The following CHD6 variants were observed in gnomAD, a reference collection of about 807,000 sequenced individuals.
CHD6 encodes chromodomain helicase DNA binding protein 6.
In CHD6, 50 loss-of-function variants were observed where a neutral mutation model predicts 276.9. The ratio of observed to expected loss-of-function variants is 0.18; its 90% CI spans 0.14 to 0.23. CHD6 has a LOEUF of 0.23. CHD6 is among the 10% of genes least tolerant of loss of function. The probability of loss-of-function intolerance (pLI) is 1.00; values close to 1 mark genes in which losing one functional copy is unlikely to be tolerated. For missense variants in CHD6, 2,564 were observed against 3,365.8 expected (o/e 0.76, Z 5.89); for synonymous variants, 1,173 against 1,229.3 (o/e 0.95, Z 0.96).
Position 41,402,460 on chromosome 20 carries a change from C to CGGTA in CHD6, c.*2132_*2133insTACC. The CGGTA allele has an allele frequency of 4.3e-6, 1 of 230,982 alleles. No homozygotes were observed. Among genetic ancestry groups the CGGTA allele is most frequent in the African/African-American group, 2.2e-5 (1 of 45,330 alleles). The allele number at this position is 230,982 out of a possible 1,614,324, so 14.3% of individuals were successfully genotyped here. On this transcript the variant is annotated 3_prime_UTR_variant, in exon 37 of 37. Coordinates refer to ENST00000373233, the MANE Select transcript of CHD6 (RefSeq NM_032221.5). ...TCAGATCCACATTGAACCCTGTGAC[C>CGGTA]TACCGGAGGTTATAAGTGGAACCCG...
At chr20:41,532,965 T>C in intron 3 of CHD6, 85 bp downstream of exon 3, 1 of 1,443,982 alleles carries the variant, frequency 6.9e-7, no homozygotes, top group Non-Finnish European at 9.2e-7. Context: ...AGCAGGGTTA[T>C]GCCTAGGGGC....
chr20:41,580,957 C>T (rs1320699324), intron 1 of CHD6, among the ~76,000 whole-genome samples: 1 of 152,160 alleles, frequency 6.6e-6, no homozygotes, highest in African/African-American at 2.4e-5. Context: ...ATCAGCTCTG[C>T]TCCCTTTCTG....
chr20:41,548,533 TAA>T (rs2045087248), intron 2 of CHD6, among the ~76,000 whole-genome samples: 1 of 152,096 alleles, frequency 6.6e-6, no homozygotes, highest in Non-Finnish European at 1.5e-5. Flanking sequence ...CCTAAAACCA[TAA>T]AAACGCTAGA....
At chr20:41,598,159 T>C (rs1019467879) in intron 1 of CHD6, among the ~76,000 whole-genome samples, 1 of 152,174 alleles carries the variant, frequency 6.6e-6, no homozygotes. Flanking sequence ...CATTACTATC[T>C]CAATTTCCCA....
intron 8 of CHD6, among the ~76,000 whole-genome samples, chr20:41,496,368 A>G (rs536640971): frequency 6.6e-6 from 1 of 152,182 alleles, no homozygotes; most frequent in East Asian, 1.9e-4. Flanking sequence ...TTATTCTCTC[A>G]GTATTGGATC....
intron 25 of CHD6, among the ~76,000 whole-genome samples, chr20:41,443,354 C>T (rs2047959568): frequency 6.6e-6 from 1 of 152,232 alleles, no homozygotes; most frequent in South Asian, 2.1e-4. Flanking sequence ...GAAGGTAGGG[C>T]ACCAATAATA....
At chr20:41,516,146 C>A (rs1218162964) in intron 3 of CHD6, among the ~76,000 whole-genome samples, 1 of 151,084 alleles carries the variant, frequency 6.6e-6, no homozygotes, top group Admixed American at 6.6e-5. Flanking sequence ...CTCTTCACAA[C>A]AGCCCTGTAA....
At chr20:41,597,808 C>T (rs1049345303) in intron 1 of CHD6, among the ~76,000 whole-genome samples, 5 of 152,086 alleles carry the variant, frequency 3.3e-5, no homozygotes, top group Admixed American at 6.6e-5. Flanking sequence ...CAAATCATTA[C>T]TTTTGATGCT....
Position 41,488,314 on chromosome 20 carries a change from A to G in CHD6, c.1857+114T>C, listed in dbSNP as rs906316969. On this transcript the variant is annotated intron_variant, in intron 13 of 36. Coordinates refer to ENST00000373233, the MANE Select transcript of CHD6 (RefSeq NM_032221.5). ...GCAGTTATAGAGACCAAAAAAGAAAATCTAATGTAAAACGACTAGGCAGAA... is the reference window on the plus strand; with the variant it reads ...GCAGTTATAGAGACCAAAAAAGAAAGTCTAATGTAAAACGACTAGGCAGAA... 2.5e-5 allele frequency: 26 copies of G among 1,020,290 alleles called. 1 individual carries two copies. In the African/African-American group the frequency reaches 3.1e-4, roughly 12 times the overall value. 63.2% of individuals were successfully genotyped at this position (1,020,290 alleles called of 1,614,324 possible). A position where few individuals can be genotyped will look rare whatever the true frequency, so the allele number is the denominator to read the frequency against.
intron 1 of CHD6, among the ~76,000 whole-genome samples, chr20:41,616,457 C>T (rs868446306): frequency 6.6e-6 from 1 of 152,182 alleles, no homozygotes; most frequent in African/African-American, 2.4e-5. Context: ...GGCCAGACTA[C>T]ACCAAGAACA....
intron 1 of CHD6, among the ~76,000 whole-genome samples, chr20:41,573,799 G>C (rs1265592009): frequency 6.6e-6 from 1 of 152,166 alleles, no homozygotes; most frequent in Non-Finnish European, 1.5e-5. Context: ...TGGAAGTGAA[G>C]ACAGAGAAAA....
chr20:41,452,450 G>A lies in CHD6; in HGVS notation c.3323+290C>T, dbSNP rs2048266574. On this transcript the variant is annotated intron_variant, in intron 21 of 36. Transcript: ENST00000373233. This position sits in a 1 kb window ranked among gnomAD's most constrained non-coding sequence, Gnocchi z 4.2. The stretch of plus-strand genomic sequence containing the variant: ...TTGTGTGGACTCCTTGTATATCCTT[G>A]CGGGGTGGGAGGAAGCAGGAAATCA... 6.6e-6 allele frequency among the ~76,000 whole-genome samples: 1 copy of A among 152,188 alleles called. No individual in the cohort carries two copies. Among genetic ancestry groups the A allele is most frequent in the Admixed American group, 6.5e-5 (1 of 15,274 alleles).
chr20:41,490,272 G>C (rs1021631220), intron 11 of CHD6, among the ~76,000 whole-genome samples: 2 of 152,072 alleles, frequency 1.3e-5, no homozygotes, highest in Admixed American at 6.5e-5. Context: ...TCCGAGAAAC[G>C]CATCACTGCG....
intron 1 of CHD6, among the ~76,000 whole-genome samples, chr20:41,587,340 T>C (rs1189658971): frequency 6.6e-6 from 1 of 152,236 alleles, no homozygotes; most frequent in Non-Finnish European, 1.5e-5. Context: ...TCTGATAGCC[T>C]AAGTAGCCTA....
Position 41,405,420 on chromosome 20 carries a change from T to C in CHD6, c.7321A>G (p.Arg2441Gly). 6.2e-7 allele frequency: 1 copy of C among 1,611,304 alleles called. No homozygotes were observed. The highest frequency in any genetic ancestry group is 8.5e-7 in the Non-Finnish European group (1 of 1,178,046). ...EPILRDTGPR[R>G]RGRRPRSELL... Reference sequence around the variant, plus strand: ...TCGCTCCGAGGCCGCCTCCCCCTCCTGCGGGGGCCCGTATCTCGAAGAATA... The same window carrying C: ...TCGCTCCGAGGCCGCCTCCCCCTCCCGCGGGGGCCCGTATCTCGAAGAATA... The change falls in exon 37 of 37, where the codon AGG becomes GGG. Residue 2441 changes from arginine to glycine, a missense_variant. Coordinates refer to ENST00000373233, the MANE Select transcript of CHD6 (RefSeq NM_032221.5).
rs1011238843 is a variant in CHD6 at position 41,478,229 on chromosome 20, C to G, written c.2469-4712G>C. ...TCTGGTTGGCTCCACAGTGCCCCCCCATCTGATGGCCTAAGATATCAGACA... is the reference window on the plus strand; with the variant it reads ...TCTGGTTGGCTCCACAGTGCCCCCCGATCTGATGGCCTAAGATATCAGACA... On this transcript the variant is annotated intron_variant, in intron 16 of 36. Coordinates refer to ENST00000373233, the MANE Select transcript of CHD6 (RefSeq NM_032221.5). 2.6e-5 allele frequency among the ~76,000 whole-genome samples: 4 copies of G among 152,288 alleles called. No individual in the cohort carries two copies. In the South Asian group the frequency reaches 8.3e-4, roughly 32 times the overall value.
intron 1 of CHD6, among the ~76,000 whole-genome samples, chr20:41,561,987 T>C (rs1051375295): frequency 6.6e-6 from 1 of 152,214 alleles, no homozygotes; most frequent in Non-Finnish European, 1.5e-5. Context: ...GTTTTGAGAA[T>C]TCCTCTGGTA....
At chr20:41,486,680 A>C (rs920992701) in intron 14 of CHD6, among the ~76,000 whole-genome samples, 2 of 152,198 alleles carry the variant, frequency 1.3e-5, no homozygotes, top group African/African-American at 4.8e-5. Flanking sequence ...AAGGTCTTGC[A>C]TGGCTTCTCT....
intron 5 of CHD6, among the ~76,000 whole-genome samples, chr20:41,502,928 C>T (rs2043872140): frequency 6.6e-6 from 1 of 152,184 alleles, no homozygotes; most frequent in South Asian, 2.1e-4. Context: ...ATCACTTGAA[C>T]CTGGGAGGTG....
Sources: gnomAD v4.1 joint callset for allele counts (sites outside exome capture counted in the v4.1 genomes callset) on GRCh38, gnomAD v4.1.1 for gene constraint, Gnocchi (gnomAD v3.1) non-coding constraint, MANE v1.5 for transcripts, NCBI Gene and HGNC (gene_info 2026-07-23, HGNC 2026-07-21) for gene names.